Variants in PPP4R3B observed in about 807,000 individuals in gnomAD.
The protein encoded by PPP4R3B is serine/threonine-protein phosphatase 4 regulatory subunit 3B.
Under a neutral mutation model 95.4 loss-of-function variants are expected in PPP4R3B, and 52 were observed. That is an observed-to-expected ratio of 0.54 (90% CI 0.44 to 0.69). The LOEUF is 0.69. PPP4R3B is among the 30% of genes least tolerant of loss of function. The probability of loss-of-function intolerance (pLI) is 0.00; values close to 1 mark genes in which losing one functional copy is unlikely to be tolerated. For synonymous variants in PPP4R3B, 407 were observed against 343.9 expected (o/e 1.18, Z -2.03); for missense variants, 1,003 against 1,005.9 (o/e 1.00, Z 0.04).
At chr2:55,588,580 G>C (rs1269105962) in intron 5 of PPP4R3B, among the ~76,000 whole-genome samples, 1 of 151,570 alleles carries the variant, frequency 6.6e-6, no homozygotes, top group African/African-American at 2.4e-5. Context: ...CCATAAAAAT[G>C]TATGAATTTT....
intron 16 of PPP4R3B, among the ~76,000 whole-genome samples, chr2:55,552,995 A>G (rs1357828470): frequency 6.6e-6 from 1 of 152,204 alleles, no homozygotes; most frequent in Non-Finnish European, 1.5e-5. Flanking sequence ...CAGTTTAATT[A>G]TAGTAAAACA....
chr2:55,584,530 T>C (rs186521944), intron 7 of PPP4R3B, among the ~76,000 whole-genome samples: 35 of 152,250 alleles, frequency 2.3e-4, no homozygotes, highest in African/African-American at 4.6e-4. Flanking sequence ...CCAAAGTCCA[T>C]TGTGTCATTC....
chr2:55,590,065 T>C (rs1234096845), intron 4 of PPP4R3B, among the ~76,000 whole-genome samples: 1 of 148,396 alleles, frequency 6.7e-6, no homozygotes, highest in Non-Finnish European at 1.5e-5. Flanking sequence ...TGGTGGCTCA[T>C]GCGTGTAATC....
Position 55,573,622 on chromosome 2 carries a change from A to C in PPP4R3B, c.1762T>G (p.Leu588Val). The change falls in exon 12 of 17, where the codon TTG becomes GTG. Residue 588 changes from leucine (L) to valine (V), a missense_variant. Leu to Val is a conservative substitution (Grantham distance 32). Transcript: ENST00000616407. ...LMNSKHTFLA[L>V]CALRFMRRII... The stretch of plus-strand genomic sequence containing the variant: ...CCTTAAAACATTTTATACTTACACA[A>C]GGCCAGAAAAGTGTGCTTTGAATTC... 6.5e-7 allele frequency: 1 copy of C among 1,532,002 alleles called. No individual in the cohort carries two copies. The highest frequency in any genetic ancestry group is 8.8e-7 in the Non-Finnish European group (1 of 1,141,940). The allele number at this position is 1,532,002 out of a possible 1,614,324, so 94.9% of individuals were successfully genotyped here.
chr2:55,595,425 A>C (rs903025599), intron 4 of PPP4R3B, among the ~76,000 whole-genome samples: 15 of 151,620 alleles, frequency 9.9e-5, no homozygotes, highest in Non-Finnish European at 1.8e-4. Context: ...CAGGAGTTTG[A>C]GACCAGCCTG....
chr2:55,608,259 G>A (rs796237812), intron 2 of PPP4R3B, among the ~76,000 whole-genome samples: 1 of 152,124 alleles, frequency 6.6e-6, no homozygotes, highest in Non-Finnish European at 1.5e-5. Context: ...CCAGCCTTGG[G>A]CTCCCAAAGT....
At chr2:55,617,047 C>G (rs561356522) in intron 1 of PPP4R3B, 97 bp downstream of exon 1, 1 of 1,418,128 alleles carries the variant, frequency 7.1e-7, no homozygotes, top group South Asian at 1.4e-5. Flanking sequence ...CGCGCTGTCC[C>G]GAAGGAGTAG....
Position 55,604,155 on chromosome 2 carries a change from T to C in PPP4R3B, c.199-79A>G, listed in dbSNP as rs922560786. ...AAGTACAAATAGAAATCAAGAGGAC[T>C]GGAAACAACACAGCAATGACAAATG... On this transcript the variant is annotated intron_variant, in intron 2 of 16. Transcript: ENST00000616407. 76 of 1,063,180 alleles carry C rather than the reference T, an allele frequency of 7.1e-5. 1 individual carries two copies. The Middle Eastern group carries it at 1.2e-3, about 16-fold the overall frequency. The allele number at this position is 1,063,180 out of a possible 1,614,324, so 65.9% of individuals were successfully genotyped here.
chr2:55,568,391 T>A, intron 12 of PPP4R3B, 28 bp from the exon 13 acceptor site: 1 of 1,534,408 alleles, frequency 6.5e-7, no homozygotes, highest in Non-Finnish European at 8.8e-7. Flanking sequence ...AGGGAATAAG[T>A]TAATGATCTT....
chr2:55,607,468 G>C (rs1187268073), intron 2 of PPP4R3B, among the ~76,000 whole-genome samples: 1 of 152,140 alleles, frequency 6.6e-6, no homozygotes, highest in African/African-American at 2.4e-5. Flanking sequence ...AAAATGCAGG[G>C]AAACAGTTAT....
intron 8 of PPP4R3B, among the ~76,000 whole-genome samples, chr2:55,581,209 C>T (rs770467774): frequency 1.3e-5 from 2 of 152,064 alleles, no homozygotes; most frequent in South Asian, 2.1e-4. Context: ...GCTGAGATCA[C>T]GCCACTGCAC....
chr2:55,556,051 T>A (rs1318384971), intron 16 of PPP4R3B, among the ~76,000 whole-genome samples: 1 of 152,242 alleles, frequency 6.6e-6, no homozygotes, highest in East Asian at 1.9e-4. Flanking sequence ...AGCCTTCAAC[T>A]ATAGCAATTA....
intron 15 of PPP4R3B, among the ~76,000 whole-genome samples, chr2:55,560,098 G>C (rs1686393825): frequency 6.6e-6 from 1 of 152,086 alleles, no homozygotes; most frequent in Non-Finnish European, 1.5e-5. Context: ...CACCAGCATG[G>C]ATGACAGAAT....
intron 16 of PPP4R3B, among the ~76,000 whole-genome samples, chr2:55,552,528 G>A (rs958926985): frequency 4.6e-5 from 7 of 152,128 alleles, no homozygotes; most frequent in African/African-American, 1.7e-4. Context: ...CAAGTAGCTT[G>A]GGCTACATGC....
chr2:55,587,212 G>A (rs1248728690), intron 5 of PPP4R3B, among the ~76,000 whole-genome samples: 2 of 152,200 alleles, frequency 1.3e-5, no homozygotes, highest in African/African-American at 2.4e-5. Flanking sequence ...ATGCAAAAAT[G>A]CAAGATATAC....
At position 55,585,125 on chromosome 2, in the gene PPP4R3B, A is replaced by G. The variant is rs1179752081; in HGVS notation, c.1159T>C (p.Phe387Leu). 3 of 1,611,282 alleles carry G rather than the reference A, an allele frequency of 1.9e-6. No homozygotes were observed. Among genetic ancestry groups the G allele is most frequent in the Non-Finnish European group, 2.5e-6 (3 of 1,178,932 alleles). ...GGACTAAATTCTACTAGATAAGAAA[A>G]TATATCTGTAGCAGCTGATCTGACT... ...LQVRSAATDIFSYLVEFSPSM... is the reference protein window; with the variant it reads ...LQVRSAATDILSYLVEFSPSM... Residue 387 changes from phenylalanine to leucine, a missense_variant, in exon 7 of 17, where the codon TTT becomes CTT. Physicochemically the swap from Phe to Leu is conservative, Grantham distance 22 (BLOSUM62 0). Around this residue, in one of 3 missense-constraint regions of PPP4R3B, gnomAD observed 695 missense variants for 686.2 expected, o/e 1.01. Transcript: ENST00000616407.
At chr2:55,575,574 T>C (rs962679172) in intron 11 of PPP4R3B, among the ~76,000 whole-genome samples, 7 of 152,224 alleles carry the variant, frequency 4.6e-5, no homozygotes, top group Admixed American at 4.6e-4. Context: ...GCCTCCCTAG[T>C]AGCTGGGACC....
In PPP4R3B at chr2:55,585,095, T is replaced by C. The variant is rs1454257382; in HGVS notation, c.1189A>G (p.Met397Val). 19 of 1,611,986 alleles carry C rather than the reference T, an allele frequency of 1.2e-5. No homozygotes were observed. The highest frequency in any genetic ancestry group is 2.2e-5 in the South Asian group (2 of 90,488). Residue 397 changes from methionine to valine, a missense_variant, in exon 7 of 17, where the codon ATG (methionine) becomes GTG (valine). Around this residue, in one of 3 missense-constraint regions of PPP4R3B, gnomAD observed 695 missense variants for 686.2 expected, o/e 1.01. Coordinates refer to ENST00000616407, the MANE Select transcript of PPP4R3B (RefSeq NM_001122964.3). The part of the protein sequence containing the change: ...FSYLVEFSPS[M>V]VREFVMQEAQ... ...TCTTGCATTACAAACTCTCGGACCA[T>C]AGATGGACTAAATTCTACTAGATAA...
intron 4 of PPP4R3B, among the ~76,000 whole-genome samples, chr2:55,589,962 T>C (rs1690750616): frequency 6.9e-6 from 1 of 143,918 alleles, no homozygotes; most frequent in South Asian, 2.1e-4. Context: ...TATAATTATA[T>C]ATATATTTAT....
Sources: gnomAD v4.1 joint callset for allele counts (sites outside exome capture counted in the v4.1 genomes callset) on GRCh38, gnomAD v4.1.1 for gene constraint, gnomAD v4.1.1 regional missense constraint, MANE v1.5 for transcripts, NCBI Gene and HGNC (gene_info 2026-07-23, HGNC 2026-07-21) for gene names.